The following SH3RF3 variants were observed in gnomAD, a reference collection of about 807,000 sequenced individuals.
SH3RF3 encodes SH3 domain containing ring finger 3.
SH3RF3 carries 29 observed loss-of-function variants against 66.3 expected under a neutral mutation model. The ratio of observed to expected loss-of-function variants is 0.44; its 90% CI spans 0.33 to 0.60. The LOEUF (loss-of-function observed/expected upper bound fraction) is 0.60. Ranked by LOEUF, SH3RF3 falls within the 20% of genes least tolerant of loss-of-function variation. SH3RF3 has a pLI of 0.04. For missense variants in SH3RF3, 1,194 were observed against 1,190.9 expected (o/e 1.00, Z -0.04); for synonymous variants, 583 against 532.0 (o/e 1.10, Z -1.32).
Position 109,460,861 on chromosome 2 carries a change from C to A in SH3RF3, c.2148+11372C>A, listed in dbSNP as rs888533847. 9.8e-5 allele frequency among the ~76,000 whole-genome samples: 15 copies of A among 152,358 alleles called. 1 individual carries two copies. Among genetic ancestry groups the A allele is most frequent in the Admixed American group, 7.8e-4 (12 of 15,308 alleles). The stretch of plus-strand genomic sequence containing the variant: ...ACAACCAGGTGCATTCCTCAAAGTT[C>A]TGCCCACTGAGAGGCTTTCCCTTCA... On this transcript the variant is annotated intron_variant, in intron 8 of 9. Transcript: ENST00000309415.
At chr2:109,151,148 G>T (rs1338123567) in intron 1 of SH3RF3, among the ~76,000 whole-genome samples, 1 of 152,232 alleles carries the variant, frequency 6.6e-6, no homozygotes, top group Non-Finnish European at 1.5e-5. Context: ...GCTTATATTT[G>T]ATGGGTTCTT....
In SH3RF3 at chr2:109,154,937, A is replaced by C. The variant is rs1000506519; in HGVS notation, c.573+24824A>C. Among the ~76,000 whole-genome samples, 14 of 152,196 alleles carry C rather than the reference A, an allele frequency of 9.2e-5. No individual in the cohort carries two copies. The East Asian group carries it at 2.3e-3, about 25-fold the overall frequency. On this transcript the variant is annotated intron_variant, in intron 1 of 9. Transcript: ENST00000309415. ...GAGAGTGTTGGCTTTCCAAATCACG[A>C]CTTGTCAAAAGAGGCTTTCCAGATT...
At chr2:109,224,269 T>A (rs753674560) in intron 1 of SH3RF3, among the ~76,000 whole-genome samples, 5 of 152,218 alleles carry the variant, frequency 3.3e-5, no homozygotes, top group Non-Finnish European at 5.9e-5. Flanking sequence ...CCAAGCATAG[T>A]AAAATAAGAC....
Position 109,305,470 on chromosome 2 carries a change from A to G in SH3RF3, c.574-42204A>G, listed in dbSNP as rs984839327. 3.3e-5 allele frequency among the ~76,000 whole-genome samples: 5 copies of G among 152,226 alleles called. No homozygotes were observed. The South Asian group carries it at 8.3e-4, about 25-fold the overall frequency. On this transcript the variant is annotated intron_variant, in intron 1 of 9. Coordinates refer to ENST00000309415, the MANE Select transcript of SH3RF3 (RefSeq NM_001099289.3). ...GCCCAGTTCTGGCCCCTGGAGGCTC[A>G]AGGAGCACCTGCTAGTTTCCTTCTG...
At chr2:109,237,921 G>A in intron 1 of SH3RF3, among the ~76,000 whole-genome samples, 1 of 152,196 alleles carries the variant, frequency 6.6e-6, no homozygotes, top group Admixed American at 6.5e-5. Context: ...AATTAACTTA[G>A]TGTTATGCCA....
intron 8 of SH3RF3, among the ~76,000 whole-genome samples, chr2:109,458,363 A>G (rs1487172532): frequency 6.6e-6 from 1 of 152,170 alleles, no homozygotes; most frequent in Non-Finnish European, 1.5e-5. Context: ...GACCAGCAGA[A>G]ATGGCTAGAT....
chr2:109,489,444 G>A (rs928037234), intron 8 of SH3RF3, among the ~76,000 whole-genome samples: 4 of 152,226 alleles, frequency 2.6e-5, no homozygotes, highest in East Asian at 3.9e-4. Context: ...TGGGCCTCAC[G>A]GAAAGTCCCA....
intron 2 of SH3RF3, among the ~76,000 whole-genome samples, chr2:109,370,295 A>G (rs2105675964): frequency 6.6e-6 from 1 of 151,054 alleles, no homozygotes; most frequent in South Asian, 2.1e-4. Context: ...GCTGGAGTGC[A>G]GAGGTACGAT....
chr2:109,318,625 G>A (rs1681943219), intron 1 of SH3RF3, among the ~76,000 whole-genome samples: 1 of 152,206 alleles, frequency 6.6e-6, no homozygotes, highest in Non-Finnish European at 1.5e-5. Flanking sequence ...CACACTGGGG[G>A]CAGCATTTGT....
chr2:109,316,278 C>T (rs914681744), intron 1 of SH3RF3, among the ~76,000 whole-genome samples: 22 of 152,056 alleles, frequency 1.4e-4, no homozygotes, highest in Non-Finnish European at 2.8e-4. Flanking sequence ...CTGTGGGCCT[C>T]GGTCCAGGAG....
At chr2:109,238,037 C>T (rs1018000186) in intron 1 of SH3RF3, among the ~76,000 whole-genome samples, 6 of 152,110 alleles carry the variant, frequency 3.9e-5, no homozygotes, top group Non-Finnish European at 8.8e-5. Context: ...GAGGCCCCAT[C>T]TCTACAAAAT....
chr2:109,421,590 A>C (rs1331084328), intron 5 of SH3RF3, among the ~76,000 whole-genome samples: 4 of 152,200 alleles, frequency 2.6e-5, no homozygotes, highest in African/African-American at 9.7e-5. Context: ...TTCTTCACCC[A>C]GTTCGCCTGC....
intron 1 of SH3RF3, among the ~76,000 whole-genome samples, chr2:109,185,487 G>C (rs1391426963): frequency 6.6e-6 from 1 of 152,224 alleles, no homozygotes; most frequent in East Asian, 1.9e-4. Context: ...ACATTTACTT[G>C]AGTCACAGAG....
chr2:109,497,622 C>T (rs566587839), intron 9 of SH3RF3, among the ~76,000 whole-genome samples: 2 of 152,282 alleles, frequency 1.3e-5, no homozygotes, highest in African/African-American at 4.8e-5. Context: ...ACGACAACGG[C>T]GCTCTGTGTC....
intron 3 of SH3RF3, among the ~76,000 whole-genome samples, chr2:109,382,487 C>T (rs2104383972): frequency 6.6e-6 from 1 of 152,276 alleles, no homozygotes; most frequent in African/African-American, 2.4e-5. Flanking sequence ...TCCTCATCTG[C>T]ATGAACTCTC....
In SH3RF3 at chr2:109,295,804, C is replaced by T. The variant is rs142129193; in HGVS notation, c.574-51870C>T. 8.8e-4 allele frequency among the ~76,000 whole-genome samples: 134 copies of T among 152,238 alleles called. 2 individuals carry two copies. The highest frequency in any genetic ancestry group is 3.5e-3 in the South Asian group (17 of 4,828). On this transcript the variant is annotated intron_variant, in intron 1 of 9. Coordinates refer to ENST00000309415, the MANE Select transcript of SH3RF3 (RefSeq NM_001099289.3). ...CTGTGGTGGACTCTGGCCGGCTTTA[C>T]GGATGGCTGCAATTGGCACTCCCTG...
chr2:109,179,001 TAATGTGTGTG>T lies in SH3RF3; in HGVS notation c.573+48889_573+48898del, dbSNP rs1474810275. On this transcript the variant is annotated intron_variant, in intron 1 of 9. Coordinates refer to ENST00000309415, the MANE Select transcript of SH3RF3 (RefSeq NM_001099289.3). ...ATACTTTTTTTCTTATAAAGTATAATAATGTGTGTGTGTGTGTGTGTGTGTGTGTGTGTGT... is the reference window on the plus strand; with the variant it reads ...ATACTTTTTTTCTTATAAAGTATAATTGTGTGTGTGTGTGTGTGTGTGTGT... Among the ~76,000 whole-genome samples the T allele has an allele frequency of 7.6e-5, 5 of 65,360 alleles. No individual in the cohort carries two copies. The East Asian group carries it at 1.6e-3, about 20-fold the overall frequency. 42.9% of individuals were successfully genotyped at this position (65,360 alleles called of 152,430 possible).
intron 8 of SH3RF3, among the ~76,000 whole-genome samples, chr2:109,455,528 C>CG (rs35320114): frequency 6.6e-6 from 1 of 151,916 alleles, no homozygotes; most frequent in Non-Finnish European, 1.5e-5. Context: ...ATGTGTGTTA[C>CG]TATGGCATAT....
chr2:109,280,720 G>A (rs773613556), intron 1 of SH3RF3, among the ~76,000 whole-genome samples: 1 of 152,218 alleles, frequency 6.6e-6, no homozygotes, highest in Non-Finnish European at 1.5e-5. Context: ...ATCTGGAGAC[G>A]TTGGAAATGG....
Sources: gnomAD v4.1 joint callset for allele counts (sites outside exome capture counted in the v4.1 genomes callset) on GRCh38, gnomAD v4.1.1 for gene constraint, MANE v1.5 for transcripts, NCBI Gene and HGNC (gene_info 2026-07-23, HGNC 2026-07-21) for gene names.